STAU2: variants seen among roughly 807,000 people sequenced by gnomAD.
The protein encoded by STAU2 is double-stranded RNA-binding protein Staufen homolog 2.
In STAU2, 20 loss-of-function variants were observed where a neutral mutation model predicts 65.9. That is an observed-to-expected ratio of 0.30 (90% CI 0.21 to 0.44). STAU2 has a LOEUF of 0.44. Among genes scored for constraint, STAU2 ranks in the 20% least tolerant of loss-of-function variants. STAU2 has a pLI of 1.00. For synonymous variants in STAU2, 232 were observed against 233.9 expected (o/e 0.99, Z 0.07); for missense variants, 558 against 683.9 (o/e 0.82, Z 2.05).
intron 10 of STAU2, among the ~76,000 whole-genome samples, chr8:73,596,130 G>C (rs979286563): frequency 4.0e-5 from 6 of 150,638 alleles, no homozygotes; most frequent in African/African-American, 1.5e-4. Context: ...AAAAAAAAAG[G>C]CTTCCAAGTC....
chr8:73,712,301 C>T (rs1223638160), intron 3 of STAU2, among the ~76,000 whole-genome samples: 1 of 152,170 alleles, frequency 6.6e-6, no homozygotes, highest in Non-Finnish European at 1.5e-5. Flanking sequence ...GACTCTGCCA[C>T]TTTGAAAGAA....
chr8:73,562,304 A>C (rs1241866200), intron 12 of STAU2, among the ~76,000 whole-genome samples: 1 of 152,146 alleles, frequency 6.6e-6, no homozygotes, highest in Non-Finnish European at 1.5e-5. Context: ...TGGGCTATAC[A>C]GCAAGGTGCT....
At chr8:73,498,938 T>C (rs1357782579) in intron 13 of STAU2, among the ~76,000 whole-genome samples, 1 of 151,846 alleles carries the variant, frequency 6.6e-6, no homozygotes, top group Non-Finnish European at 1.5e-5. Context: ...GATGAACATA[T>C]ATAATCAGCT....
intron 13 of STAU2, among the ~76,000 whole-genome samples, chr8:73,491,871 C>T (rs1324784599): frequency 1.3e-5 from 2 of 151,846 alleles, no homozygotes; most frequent in African/African-American, 4.8e-5. Flanking sequence ...CTAAACTTAT[C>T]CTTAAGAAAT....
intron 12 of STAU2, among the ~76,000 whole-genome samples, chr8:73,577,324 A>G (rs1368452355): frequency 6.6e-6 from 1 of 151,858 alleles, no homozygotes; most frequent in Non-Finnish European, 1.5e-5. Context: ...GCTACTGGGA[A>G]GGCTGAGGCA....
chr8:73,744,614 A>G (rs557951091), intron 1 of STAU2, among the ~76,000 whole-genome samples: 1 of 152,240 alleles, frequency 6.6e-6, no homozygotes, highest in African/African-American at 2.4e-5. Flanking sequence ...TATTCATACT[A>G]TTTGTTGAAA....
At chr8:73,712,196 T>C (rs1029496240) in intron 3 of STAU2, among the ~76,000 whole-genome samples, 10 of 152,206 alleles carry the variant, frequency 6.6e-5, no homozygotes, top group African/African-American at 4.8e-5. Context: ...TCACTGAAGA[T>C]AGTTTGAAAT....
intron 3 of STAU2, among the ~76,000 whole-genome samples, chr8:73,731,826 C>G (rs1190836309): frequency 1.3e-5 from 2 of 152,108 alleles, no homozygotes; most frequent in Non-Finnish European, 1.5e-5. Context: ...GTAGTCCCAG[C>G]TACTCAGGAG....
At chr8:73,662,292 C>G (rs763794734) in intron 6 of STAU2, among the ~76,000 whole-genome samples, 1 of 152,014 alleles carries the variant, frequency 6.6e-6, no homozygotes, top group African/African-American at 2.4e-5. Flanking sequence ...ATATGTATTA[C>G]GAATGTTTCC....
intron 3 of STAU2, among the ~76,000 whole-genome samples, chr8:73,710,076 G>C (rs983594657): frequency 2.6e-5 from 4 of 151,984 alleles, no homozygotes; most frequent in Non-Finnish European, 4.4e-5. Context: ...CTCTTAAAGA[G>C]AGCATGCTGT....
rs1380994180 is a variant in STAU2, at chr8:73,468,532, G to A, written c.1531-45830C>T. ...AGTGAACAGGCAACCTACAGAATGG[G>A]AGAAAATTTTTGCAATCTACTCATC... On this transcript the variant is annotated intron_variant, in intron 13 of 14. Coordinates refer to ENST00000524300, the MANE Select transcript of STAU2 (RefSeq NM_001164380.2). 4.6e-5 allele frequency among the ~76,000 whole-genome samples: 7 copies of A among 152,260 alleles called. No homozygotes were observed. The East Asian group carries it at 1.2e-3, about 25-fold the overall frequency.
intron 13 of STAU2, among the ~76,000 whole-genome samples, chr8:73,442,173 T>C (rs1451251032): frequency 6.6e-6 from 1 of 151,852 alleles, no homozygotes; most frequent in African/African-American, 2.4e-5. Flanking sequence ...GCGAACATGG[T>C]GAAACCCCTT....
At chr8:73,479,363 A>C (rs1178228191) in intron 13 of STAU2, among the ~76,000 whole-genome samples, 3 of 151,974 alleles carry the variant, frequency 2.0e-5, no homozygotes, top group Non-Finnish European at 4.4e-5. Flanking sequence ...AGTTAAACTG[A>C]GGACCAGAAT....
chr8:73,436,628 C>G (rs939489610), intron 13 of STAU2, among the ~76,000 whole-genome samples: 1 of 144,602 alleles, frequency 6.9e-6, no homozygotes, highest in Non-Finnish European at 1.5e-5. Flanking sequence ...ACTCTGTCAC[C>G]CAGGCTGGAG....
At chr8:73,527,591 A>C in intron 13 of STAU2, 2 of 812,520 alleles carry the variant, frequency 2.5e-6, no homozygotes, top group Non-Finnish European at 3.9e-6. Flanking sequence ...TAATGTATTA[A>C]GGAAAGCAAA....
At chr8:73,698,934 A>AG (rs1563514800) in intron 4 of STAU2, among the ~76,000 whole-genome samples, 3 of 146,216 alleles carry the variant, frequency 2.1e-5, no homozygotes, top group Non-Finnish European at 4.5e-5. Context: ...AAAAAAAAAA[A>AG]AAGAGAGAGA....
intron 13 of STAU2, among the ~76,000 whole-genome samples, chr8:73,516,838 T>C (rs1025964014): frequency 6.6e-6 from 1 of 152,160 alleles, no homozygotes; most frequent in Admixed American, 6.5e-5. Flanking sequence ...GGAACTATAT[T>C]CCATTGATCA....
intron 12 of STAU2, among the ~76,000 whole-genome samples, chr8:73,574,364 T>G (rs2128957526): frequency 6.6e-6 from 1 of 152,340 alleles, no homozygotes; most frequent in Middle Eastern, 3.4e-3. Context: ...GTCAAGAGTC[T>G]AGAACTAGAA....
chr8:73,517,675 T>A (rs1427141491), intron 13 of STAU2, among the ~76,000 whole-genome samples: 3 of 152,172 alleles, frequency 2.0e-5, no homozygotes, highest in Non-Finnish European at 4.4e-5. Flanking sequence ...TAGGTTTTTT[T>A]AATTCTAAAA....
Sources: allele counts gnomAD v4.1 joint callset (sites outside exome capture counted in the v4.1 genomes callset), GRCh38; gene constraint gnomAD v4.1.1; transcripts MANE v1.5; gene names NCBI Gene and HGNC (gene_info 2026-07-23, HGNC 2026-07-21).